CALCR: variants seen among roughly 807,000 people sequenced by gnomAD.
CALCR encodes calcitonin receptor.
CALCR carries 47 observed loss-of-function variants against 59.5 expected under a neutral mutation model. That is an observed-to-expected ratio of 0.79 (90% CI 0.63 to 1.01). CALCR has a LOEUF of 1.01. Ranked by LOEUF, CALCR falls within the 50% of genes least tolerant of loss-of-function variation. The pLI is 0.00. For missense variants in CALCR, 566 were observed against 597.1 expected (o/e 0.95, Z 0.54); for synonymous variants, 213 against 211.3 (o/e 1.01, Z -0.07).
intron 6 of CALCR, among the ~76,000 whole-genome samples, chr7:93,471,259 C>T (rs979132733): frequency 4.6e-5 from 7 of 151,722 alleles, no homozygotes; most frequent in East Asian, 1.9e-4. Context: ...AACACTCATT[C>T]GGAAAATTCA....
At chr7:93,475,495 A>G (rs1800648016) in intron 5 of CALCR, among the ~76,000 whole-genome samples, 1 of 151,630 alleles carries the variant, frequency 6.6e-6, no homozygotes, top group African/African-American at 2.4e-5. Flanking sequence ...CTTACTTGCA[A>G]TTTTTAAAAG....
At chr7:93,428,556 T>A (rs557886674) in intron 13 of CALCR, among the ~76,000 whole-genome samples, 40 of 152,116 alleles carry the variant, frequency 2.6e-4, no homozygotes, top group Non-Finnish European at 4.9e-4. Flanking sequence ...ATCCCAGCAC[T>A]TTGGGAGGCC....
At chr7:93,458,692 C>T (rs999302679) in intron 8 of CALCR, among the ~76,000 whole-genome samples, 4 of 152,112 alleles carry the variant, frequency 2.6e-5, no homozygotes, top group African/African-American at 4.8e-5. Flanking sequence ...CTTCAGTTTC[C>T]GCAGGGCCTC....
intron 7 of CALCR, among the ~76,000 whole-genome samples, chr7:93,465,584 T>A (rs978845585): frequency 6.6e-6 from 1 of 151,970 alleles, no homozygotes; most frequent in African/African-American, 2.4e-5. Context: ...CAGTTAAGAT[T>A]GTTAATGCTG....
intron 8 of CALCR, among the ~76,000 whole-genome samples, chr7:93,444,491 T>G (rs1799973042): frequency 6.6e-6 from 1 of 152,142 alleles, no homozygotes; most frequent in Admixed American, 6.5e-5. Flanking sequence ...TTTTTCATCT[T>G]GGTACATTAG....
intron 2 of CALCR, among the ~76,000 whole-genome samples, chr7:93,533,614 G>C (rs1429302936): frequency 1.3e-5 from 2 of 151,828 alleles, no homozygotes; most frequent in East Asian, 3.9e-4. Flanking sequence ...AAAAAAATGT[G>C]GCATTGTTAG....
At chr7:93,569,686 A>G (rs1789955821) in intron 2 of CALCR, among the ~76,000 whole-genome samples, 1 of 152,136 alleles carries the variant, frequency 6.6e-6, no homozygotes, top group Non-Finnish European at 1.5e-5. Context: ...ATATCCCCTG[A>G]CTAGGACATA....
chr7:93,486,438 A>G (rs9690762), intron 3 of CALCR, among the ~76,000 whole-genome samples: 80,039 of 151,310 alleles, frequency 0.53, 21,479 homozygotes, highest in East Asian at 0.69. Context: ...TGAAGTTTCC[A>G]TAGTCAGTTT....
intron 9 of CALCR, 80 bp from the exon 10 acceptor site, chr7:93,438,350 T>C (rs903339763): frequency 3.8e-6 from 4 of 1,055,518 alleles, no homozygotes; most frequent in African/African-American, 3.1e-5. Context: ...AATGGTAGTG[T>C]ACTTGCAAAA....
At chr7:93,528,087 C>A (rs1293673517) in intron 2 of CALCR, among the ~76,000 whole-genome samples, 2 of 152,052 alleles carry the variant, frequency 1.3e-5, no homozygotes, top group Non-Finnish European at 2.9e-5. Context: ...AGAAAATGTT[C>A]TGATACCTTT....
chr7:93,447,532 C>T (rs1800029272), intron 8 of CALCR, among the ~76,000 whole-genome samples: 1 of 151,560 alleles, frequency 6.6e-6, no homozygotes, highest in South Asian at 2.1e-4. Flanking sequence ...AGAGGAAGAC[C>T]TTAAGTATGA....
chr7:93,458,615 G>A (rs1800255317), intron 8 of CALCR, among the ~76,000 whole-genome samples: 1 of 152,152 alleles, frequency 6.6e-6, no homozygotes, highest in Admixed American at 6.6e-5. Context: ...GAGTGAACAA[G>A]GGATATTTAT....
intron 2 of CALCR, among the ~76,000 whole-genome samples, chr7:93,527,695 T>G (rs1372531417): frequency 6.6e-6 from 1 of 152,160 alleles, no homozygotes; most frequent in Non-Finnish European, 1.5e-5. Context: ...TAGCCCTGCA[T>G]ATAAGCTTCT....
chr7:93,481,054 T>C (rs1800785059), intron 3 of CALCR, among the ~76,000 whole-genome samples: 2 of 151,988 alleles, frequency 1.3e-5, no homozygotes, highest in Non-Finnish European at 1.5e-5. Flanking sequence ...TCACTAGATC[T>C]GTTTCCTCAA....
chr7:93,550,598 AACAC>A (rs201729250), intron 2 of CALCR, among the ~76,000 whole-genome samples: 2,783 of 121,882 alleles, frequency 0.023, 145 homozygotes, highest in Admixed American at 0.12. Context: ...ATTTGGGCTA[AACAC>A]ACACACACAC....
At chr7:93,514,488 A>G (rs1250951375) in intron 2 of CALCR, among the ~76,000 whole-genome samples, 1 of 151,996 alleles carries the variant, frequency 6.6e-6, no homozygotes, top group Non-Finnish European at 1.5e-5. Context: ...GTTATCAGAA[A>G]CAAGTAAAAC....
intron 2 of CALCR, among the ~76,000 whole-genome samples, chr7:93,522,485 C>A (rs984653168): frequency 6.6e-6 from 1 of 152,154 alleles, no homozygotes; most frequent in Non-Finnish European, 1.5e-5. Context: ...ACCTACCTGT[C>A]TACCTATCCA....
At chr7:93,487,045 A>G in intron 2 of CALCR, 38 bp from the exon 3 acceptor site, 1 of 1,026,202 alleles carries the variant, frequency 9.7e-7, no homozygotes, top group Non-Finnish European at 1.5e-6. Context: ...TAAAATTAAT[A>G]TATCTCTAAT....
At chr7:93,529,185 G>A (rs763705472) in intron 2 of CALCR, among the ~76,000 whole-genome samples, 2 of 152,106 alleles carry the variant, frequency 1.3e-5, no homozygotes, top group Non-Finnish European at 2.9e-5. Flanking sequence ...TTGGACCATG[G>A]GTGTAGATTT....
Sources: gnomAD v4.1 joint callset for allele counts (sites outside exome capture counted in the v4.1 genomes callset) on GRCh38, gnomAD v4.1.1 for gene constraint, MANE v1.5 for transcripts, NCBI Gene and HGNC (gene_info 2026-07-23, HGNC 2026-07-21) for gene names.